The following DCLK1 variants were observed in gnomAD, a reference collection of about 807,000 sequenced individuals.
DCLK1 encodes doublecortin like kinase 1, also known as serine/threonine-protein kinase DCLK1.
A neutral mutation model predicts 86.2 loss-of-function variants in DCLK1; 16 were observed. That is an observed-to-expected ratio of 0.19 (90% confidence interval 0.13 to 0.28). The LOEUF is 0.28. DCLK1 is among the 10% of genes least tolerant of loss of function. DCLK1 has a pLI of 1.00. For synonymous variants in DCLK1, 369 were observed against 370.5 expected, an observed-to-expected ratio of 1.00 and a Z score of 0.05; for missense variants, 590 against 940.2, an observed-to-expected ratio of 0.63 and a Z score of 4.87.
intron 3 of DCLK1, among the ~76,000 whole-genome samples, chr13:36,002,696 T>C (rs572570632): frequency 6.6e-6 from 1 of 152,226 alleles, no homozygotes; most frequent in Non-Finnish European, 1.5e-5. Context: ...AATATATATG[T>C]GCATGTACAC....
chr13:35,797,950 C>T (rs946977220), intron 15 of DCLK1, among the ~76,000 whole-genome samples: 8 of 152,090 alleles, frequency 5.3e-5, no homozygotes, highest in Non-Finnish European at 1.0e-4. Context: ...ATTTTCTAAA[C>T]GTGACAAATC....
At chr13:35,831,177 A>G (rs2153106688) in intron 8 of DCLK1, among the ~76,000 whole-genome samples, 1 of 152,224 alleles carries the variant, frequency 6.6e-6, no homozygotes, top group Non-Finnish European at 1.5e-5. Context: ...CATTACATCT[A>G]CTCATATTTC....
At chr13:35,849,600 G>T in intron 6 of DCLK1, 1 of 976,690 alleles carries the variant, frequency 1.0e-6, no homozygotes, top group East Asian at 1.1e-4. Context: ...AAGCAAAGAC[G>T]ACTATAATTT....
chr13:35,983,354 G>A (rs951591248), intron 3 of DCLK1, among the ~76,000 whole-genome samples: 3 of 152,128 alleles, frequency 2.0e-5, no homozygotes, highest in African/African-American at 7.2e-5. Context: ...AAGGCTGGTG[G>A]AGCATGTTAA....
rs1211865567 is a variant in DCLK1, at chr13:35,772,843, GT to G, written c.*1691del. The G allele has an allele frequency of 6.6e-6, 1 of 152,168 alleles. No individual in the cohort carries two copies. Among genetic ancestry groups the G allele is most frequent in the Non-Finnish European group, 1.5e-5 (1 of 68,032 alleles). The allele number at this position is 152,168 out of a possible 1,614,324, so 9.4% of individuals were successfully genotyped here. ...TAGACCATAGTTTCAGGGTTGAAGA[GT>G]AAAAATGCAGCAAGTGAAGATCAAT... is the stretch of plus-strand genomic sequence containing the variant. On this transcript the variant is annotated 3_prime_UTR_variant, in exon 17 of 17. Transcript: ENST00000360631.
intron 3 of DCLK1, among the ~76,000 whole-genome samples, chr13:35,954,131 A>T (rs562372118): frequency 6.6e-6 from 1 of 152,230 alleles, no homozygotes; most frequent in East Asian, 1.9e-4. Context: ...TCTTAATACC[A>T]GTTAAAGATG....
intron 4 of DCLK1, among the ~76,000 whole-genome samples, chr13:35,910,098 T>C (rs1874925663): frequency 6.6e-6 from 1 of 152,144 alleles, no homozygotes; most frequent in African/African-American, 2.4e-5. Flanking sequence ...ACACGTGTTC[T>C]CCAGCTCCTC....
chr13:35,935,935 C>T (rs1876727798), intron 4 of DCLK1, among the ~76,000 whole-genome samples: 1 of 152,038 alleles, frequency 6.6e-6, no homozygotes, highest in Non-Finnish European at 1.5e-5. Flanking sequence ...CCATCACTGT[C>T]TACCAGAACC....
chr13:35,989,535 G>A (rs180813559), intron 3 of DCLK1, among the ~76,000 whole-genome samples: 110 of 152,192 alleles, frequency 7.2e-4, no homozygotes, highest in African/African-American at 2.5e-3. Flanking sequence ...GCTTCCCAAA[G>A]TGCTGGGATT....
chr13:35,920,258 T>C (rs1875718607), intron 4 of DCLK1, among the ~76,000 whole-genome samples: 1 of 152,228 alleles, frequency 6.6e-6, no homozygotes, highest in Non-Finnish European at 1.5e-5. Context: ...TCCACAGACC[T>C]GCCCTTCACG....
chr13:36,119,948 A>C (rs1593908539), intron 2 of DCLK1, among the ~76,000 whole-genome samples: 1 of 152,188 alleles, frequency 6.6e-6, no homozygotes, highest in East Asian at 1.9e-4. Context: ...AGATGGGTGA[A>C]GGGTAAACAG....
intron 2 of DCLK1, among the ~76,000 whole-genome samples, chr13:36,115,682 T>C (rs532229921): frequency 6.6e-5 from 10 of 152,004 alleles, no homozygotes; most frequent in Admixed American, 5.9e-4. Flanking sequence ...TGGCATTTAA[T>C]GAAGGCCAAA....
At chr13:35,938,440 T>G (rs1001139049) in intron 4 of DCLK1, among the ~76,000 whole-genome samples, 5 of 152,056 alleles carry the variant, frequency 3.3e-5, no homozygotes, top group African/African-American at 9.7e-5. Context: ...CCATCCTGGC[T>G]AACACGGTGA....
chr13:35,963,425 GC>G (rs932694135), intron 3 of DCLK1, among the ~76,000 whole-genome samples: 4 of 152,160 alleles, frequency 2.6e-5, no homozygotes, highest in Non-Finnish European at 4.4e-5. Context: ...ATAATAGGAA[GC>G]TTTGCTTGGC....
At chr13:36,022,484 A>C (rs575123550) in intron 3 of DCLK1, among the ~76,000 whole-genome samples, 1 of 152,196 alleles carries the variant, frequency 6.6e-6, no homozygotes, top group South Asian at 2.1e-4. Flanking sequence ...CATTCTTTAA[A>C]AACATCAACA....
At chr13:35,980,283 C>T (rs1422580458) in intron 3 of DCLK1, among the ~76,000 whole-genome samples, 1 of 152,086 alleles carries the variant, frequency 6.6e-6, no homozygotes, top group Non-Finnish European at 1.5e-5. Flanking sequence ...TGGTGGAACC[C>T]ATCTCTGCTA....
intron 15 of DCLK1, among the ~76,000 whole-genome samples, chr13:35,799,089 G>A (rs1391886818): frequency 6.6e-6 from 1 of 152,168 alleles, no homozygotes; most frequent in African/African-American, 2.4e-5. Flanking sequence ...TAGTACCAAA[G>A]TTCTTGAACT....
At chr13:36,032,481 T>C (rs2153153481) in intron 3 of DCLK1, among the ~76,000 whole-genome samples, 1 of 152,310 alleles carries the variant, frequency 6.6e-6, no homozygotes, top group Admixed American at 6.5e-5. Context: ...ATTGCTTTTG[T>C]AATCATAGTG....
chr13:35,976,906 A>G (rs1201528800), intron 3 of DCLK1, among the ~76,000 whole-genome samples: 2 of 152,258 alleles, frequency 1.3e-5, no homozygotes, highest in East Asian at 1.9e-4. Context: ...ACACAAATGA[A>G]CAGACCACGG....
Sources: gnomAD v4.1 joint callset for allele counts (sites outside exome capture counted in the v4.1 genomes callset) on GRCh38, gnomAD v4.1.1 for gene constraint, MANE v1.5 for transcripts, NCBI Gene and HGNC (gene_info 2026-07-23, HGNC 2026-07-21) for gene names.